The following BRD10 variants were observed in gnomAD, a reference collection of about 807,000 sequenced individuals.
The protein encoded by BRD10 is bromodomain containing 10, also known as uncharacterized bromodomain-containing protein 10.
the BRD10 span, among the ~76,000 whole-genome samples, chr9:5,987,884 T>C: frequency 6.6e-6 from 1 of 152,140 alleles, no homozygotes; most frequent in Non-Finnish European, 1.5e-5. Flanking sequence ...GAAGCTACCA[T>C]TAATTGAGCA....
At chr9:5,914,441 T>G in the BRD10 span, among the ~76,000 whole-genome samples, 1 of 86,988 alleles carries the variant, frequency 1.1e-5, no homozygotes, top group Admixed American at 1.3e-4. Flanking sequence ...TTTTTTTTTT[T>G]GAGACGGAGT....
chr9:5,894,615 G>C, the BRD10 span, among the ~76,000 whole-genome samples: 1 of 152,200 alleles, frequency 6.6e-6, no homozygotes. This position sits in a 1 kb window ranked among gnomAD's most constrained non-coding sequence, Gnocchi z 4.0. Flanking sequence ...GTGCTCTGCT[G>C]GGGAGGGGCA....
the BRD10 span, chr9:5,988,504 C>T: frequency 1.9e-6 from 3 of 1,613,784 alleles, no homozygotes; most frequent in Non-Finnish European, 2.5e-6. Flanking sequence ...TCCATAATAG[C>T]CTCTAGATGT....
At chr9:5,912,443 G>A in the BRD10 span, among the ~76,000 whole-genome samples, 1 of 152,006 alleles carries the variant, frequency 6.6e-6, no homozygotes, top group Non-Finnish European at 1.5e-5. Context: ...CTTGGATTAT[G>A]TGGGTTGGGG....
At chr9:6,007,629 C>T in the BRD10 span, 4 of 1,602,698 alleles carry the variant, frequency 2.5e-6, no homozygotes, top group Non-Finnish European at 3.4e-6. Context: ...CCTGATCGTC[C>T]GCGTCCTCCA....
the BRD10 span, chr9:5,920,614 T>C: frequency 6.9e-5 from 112 of 1,613,900 alleles, no homozygotes; most frequent in Non-Finnish European, 9.2e-5. Context: ...GCACTGTAGT[T>C]GAAATCCCTG....
chr9:6,007,996 G>A, the BRD10 span: 56 of 1,275,080 alleles, frequency 4.4e-5, no homozygotes, highest in Admixed American at 7.2e-4. Context: ...GCGCGAGGAG[G>A]GGGGAGAGAA....
chr9:5,961,942 T>C, the BRD10 span, among the ~76,000 whole-genome samples: 397 of 106,116 alleles, frequency 3.7e-3, no homozygotes, highest in Non-Finnish European at 5.6e-3. Flanking sequence ...CCTGGATTCA[T>C]TGATTTTTTG....
the BRD10 span, among the ~76,000 whole-genome samples, chr9:5,931,161 G>C: frequency 6.6e-6 from 1 of 152,204 alleles, no homozygotes; most frequent in Non-Finnish European, 1.5e-5. Flanking sequence ...AATGGCAGCT[G>C]TAGAGTTACT....
the BRD10 span, chr9:5,892,305 G>C: frequency 2.2e-6 from 1 of 456,198 alleles, no homozygotes; most frequent in Non-Finnish European, 3.8e-6. Context: ...AAAGAAGCAG[G>C]TGCAAATCCC....
the BRD10 span, among the ~76,000 whole-genome samples, chr9:6,005,546 T>C: frequency 3.7e-4 from 57 of 152,332 alleles, no homozygotes; most frequent in Non-Finnish European, 6.8e-4. Context: ...ACAGAGCTTT[T>C]GAAAACACCA....
the BRD10 span, among the ~76,000 whole-genome samples, chr9:5,914,878 C>A: frequency 6.6e-6 from 1 of 151,898 alleles, no homozygotes; most frequent in Non-Finnish European, 1.5e-5. Context: ...TGGAGAGACA[C>A]AAATCAATAA....
chr9:5,957,095 C>G, the BRD10 span, among the ~76,000 whole-genome samples: 16 of 151,996 alleles, frequency 1.1e-4, no homozygotes, highest in African/African-American at 3.9e-4. Flanking sequence ...TCAACATGAC[C>G]TAGTAGTGGT....
At chr9:5,984,577 A>G in the BRD10 span, among the ~76,000 whole-genome samples, 1 of 152,218 alleles carries the variant, frequency 6.6e-6, no homozygotes, top group Non-Finnish European at 1.5e-5. Flanking sequence ...CATAAAAGCC[A>G]TAAATATCTA....
At chr9:5,882,822 TGCAGCCATAAAAAA>T in the BRD10 span, among the ~76,000 whole-genome samples, 1 of 152,028 alleles carries the variant, frequency 6.6e-6, no homozygotes, top group Admixed American at 6.5e-5. Flanking sequence ...TGGAATACTA[TGCAGCCATAAAAAA>T]GGATGAGTTC....
At chr9:5,917,925 T>C in the BRD10 span, among the ~76,000 whole-genome samples, 2 of 152,180 alleles carry the variant, frequency 1.3e-5, no homozygotes, top group African/African-American at 4.8e-5. Flanking sequence ...GGTAATTCAG[T>C]AAATTAGTTT....
At chr9:5,920,358 T>C in the BRD10 span, 1 of 1,613,868 alleles carries the variant, frequency 6.2e-7, no homozygotes. Context: ...GGTGTACTGG[T>C]ATTGATGACT....
At chr9:5,984,342 A>T in the BRD10 span, among the ~76,000 whole-genome samples, 5 of 152,218 alleles carry the variant, frequency 3.3e-5, no homozygotes, top group African/African-American at 1.2e-4. Context: ...GAAAAATGGT[A>T]TACAGAGGCA....
the BRD10 span, chr9:5,892,647 C>G: frequency 1.0e-6 from 1 of 960,774 alleles, no homozygotes; most frequent in Non-Finnish European, 1.5e-6. Flanking sequence ...GTAAATCTCC[C>G]TAGTGTTTAT....
Sources: gnomAD v4.1 joint callset for allele counts (sites outside exome capture counted in the v4.1 genomes callset) on GRCh38, gnomAD v4.1.1 for gene constraint, Gnocchi (gnomAD v3.1) non-coding constraint, MANE v1.5 for transcripts, NCBI Gene and HGNC (gene_info 2026-07-23, HGNC 2026-07-21) for gene names.